The following ARNT2 variants were observed in gnomAD, a reference collection of about 807,000 sequenced individuals.
ARNT2 encodes ARNT protein 2.
ARNT2 carries 36 observed loss-of-function variants against 91.7 expected under a neutral mutation model. That is an observed-to-expected ratio of 0.39 (90% CI 0.30 to 0.52). The LOEUF (loss-of-function observed/expected upper bound fraction) is 0.52, where lower values mean the gene tolerates loss of function less well. Among genes scored for constraint, ARNT2 ranks in the 20% least tolerant of loss-of-function variants. The pLI, the probability that ARNT2 is intolerant of heterozygous loss-of-function variation, is 0.72. For synonymous variants in ARNT2, 365 were observed against 347.1 expected (o/e 1.05, Z -0.57); for missense variants, 775 against 939.3 (o/e 0.83, Z 2.29).
intron 5 of ARNT2, among the ~76,000 whole-genome samples, chr15:80,494,201 C>T (rs1055279369): frequency 2.6e-5 from 4 of 152,194 alleles, no homozygotes; most frequent in African/African-American, 7.2e-5. Context: ...GTGTGCTGTG[C>T]TGTTTTTTGC....
chr15:80,433,443 G>A (rs1190003567), intron 1 of ARNT2, among the ~76,000 whole-genome samples: 10 of 151,334 alleles, frequency 6.6e-5, no homozygotes, highest in African/African-American at 2.2e-4. Flanking sequence ...ACACCACCAC[G>A]CCCGGCTAAT....
intron 2 of ARNT2, among the ~76,000 whole-genome samples, chr15:80,456,468 A>G (rs916928345): frequency 3.3e-5 from 5 of 152,224 alleles, no homozygotes; most frequent in African/African-American, 1.2e-4. Flanking sequence ...TCCAAACAAA[A>G]TAAGGCCAAG....
intron 2 of ARNT2, among the ~76,000 whole-genome samples, chr15:80,455,950 A>C (rs986174292): frequency 6.6e-6 from 1 of 152,160 alleles, no homozygotes; most frequent in Admixed American, 6.5e-5. Context: ...AATAACCTTC[A>C]TGTGGACGGC....
intron 8 of ARNT2, among the ~76,000 whole-genome samples, chr15:80,522,097 C>G (rs966326047): frequency 6.6e-6 from 1 of 152,054 alleles, no homozygotes; most frequent in African/African-American, 2.4e-5. Flanking sequence ...TCTATATTCA[C>G]AAATATAGTA....
At chr15:80,411,518 T>G (rs111246684) in intron 1 of ARNT2, among the ~76,000 whole-genome samples, 21 of 152,370 alleles carry the variant, frequency 1.4e-4, no homozygotes, top group African/African-American at 4.1e-4. Context: ...ATTCTGACTT[T>G]TATTTGTGGA....
chr15:80,597,300 A>G lies in ARNT2; in HGVS notation c.*3602A>G, dbSNP rs753981723. ...CTCCGTCACGGTTCTGACCTACCAC[A>G]TAAACAGGAAGAAGCCAGTGACCGG... On this transcript the variant is annotated 3_prime_UTR_variant, in exon 19 of 19. Coordinates refer to ENST00000303329, the MANE Select transcript of ARNT2 (RefSeq NM_014862.4). 1 of 518,704 alleles carries G rather than the reference A, an allele frequency of 1.9e-6. No individual in the cohort carries two copies. Among genetic ancestry groups the G allele is most frequent in the East Asian group, 5.5e-5 (1 of 18,340 alleles). 32.1% of individuals were successfully genotyped at this position (518,704 alleles called of 1,614,324 possible). A position where few individuals can be genotyped will look rare whatever the true frequency, so the allele number is the denominator to read the frequency against.
chr15:80,468,056 C>G lies in ARNT2; in HGVS notation c.195-2162C>G, dbSNP rs556351262. On this transcript the variant is annotated intron_variant, in intron 3 of 18. Transcript: ENST00000303329. ...CTTCTCTGGTTACCTCTATCTACCC[C>G]CGAGTCAACAAGCCCTGCCTGATTA... Among the ~76,000 whole-genome samples the G allele has an allele frequency of 8.5e-5, 13 of 152,292 alleles. No homozygotes were observed. In the South Asian group the frequency reaches 2.7e-3, roughly 32 times the overall value.
intron 8 of ARNT2, among the ~76,000 whole-genome samples, chr15:80,549,863 C>T (rs145849089): frequency 2.3e-4 from 35 of 152,306 alleles, no homozygotes; most frequent in Non-Finnish European, 3.8e-4. Context: ...ACTCCGAAAA[C>T]GCACTTCTGA....
intron 11 of ARNT2, among the ~76,000 whole-genome samples, chr15:80,557,219 G>GCCACTCCTGGCTTTCTTC: frequency 6.6e-6 from 1 of 152,094 alleles, no homozygotes; most frequent in South Asian, 2.1e-4. Flanking sequence ...CATAACATCA[G>GCCACTCCTGGCTTTCTTC]CCACTCCTGG....
chr15:80,545,663 A>G (rs1897979028), intron 8 of ARNT2, among the ~76,000 whole-genome samples: 1 of 152,230 alleles, frequency 6.6e-6, no homozygotes, highest in Non-Finnish European at 1.5e-5. Flanking sequence ...GCAGTCACTA[A>G]TACATAACAG....
chr15:80,527,132 G>A (rs945369627), intron 8 of ARNT2, among the ~76,000 whole-genome samples: 1 of 152,218 alleles, frequency 6.6e-6, no homozygotes, highest in Non-Finnish European at 1.5e-5. Flanking sequence ...GCAGGGCAAA[G>A]CCACTCTTCC....
At chr15:80,414,240 A>AGT (rs1286410428) in intron 1 of ARNT2, among the ~76,000 whole-genome samples, 3 of 152,216 alleles carry the variant, frequency 2.0e-5, no homozygotes, top group Non-Finnish European at 4.4e-5. Context: ...ACCTCCAGGG[A>AGT]GTAGGGGTGC....
At chr15:80,569,057 G>A (rs1489247145) in intron 12 of ARNT2, among the ~76,000 whole-genome samples, 1 of 152,220 alleles carries the variant, frequency 6.6e-6, no homozygotes, top group East Asian at 1.9e-4. Context: ...CATGCAGATG[G>A]TGCTCAGTCA....
At chr15:80,567,289 A>G (rs1898502855) in intron 12 of ARNT2, among the ~76,000 whole-genome samples, 1 of 135,108 alleles carries the variant, frequency 7.4e-6, no homozygotes, top group Non-Finnish European at 1.5e-5. Context: ...ACCATCCTGG[A>G]TCTGCTTAGC....
intron 5 of ARNT2, among the ~76,000 whole-genome samples, chr15:80,493,892 C>G (rs1464781426): frequency 6.6e-6 from 1 of 152,140 alleles, no homozygotes; most frequent in Non-Finnish European, 1.5e-5. Context: ...AGTTCTCACT[C>G]TTTTGGTTCA....
rs367713872 is a variant in ARNT2 at position 80,593,742 on chromosome 15, T to G, written c.*44T>G. ...TCCTGCTGTACAGTGCCACCCATAC[T>G]GTGATGTCGATGCCCATGTGAATGA... On this transcript the variant is annotated 3_prime_UTR_variant, in exon 19 of 19. Coordinates refer to ENST00000303329, the MANE Select transcript of ARNT2 (RefSeq NM_014862.4). The G allele has an allele frequency of 2.0e-6, 3 of 1,530,174 alleles. No homozygotes were observed. Among genetic ancestry groups the G allele is most frequent in the Non-Finnish European group, 2.7e-6 (3 of 1,122,026 alleles). The allele number at this position is 1,530,174 out of a possible 1,614,324, so 94.8% of individuals were successfully genotyped here. A position where few individuals can be genotyped will look rare whatever the true frequency, so the allele number is the denominator to read the frequency against.
At chr15:80,543,454 G>A (rs943425887) in intron 8 of ARNT2, among the ~76,000 whole-genome samples, 6 of 152,158 alleles carry the variant, frequency 3.9e-5, no homozygotes, top group African/African-American at 7.2e-5. Flanking sequence ...ACAGTATCCC[G>A]TGTCATGATG....
chr15:80,582,836 A>G (rs1311039490), intron 17 of ARNT2, among the ~76,000 whole-genome samples: 4 of 152,320 alleles, frequency 2.6e-5, no homozygotes, highest in African/African-American at 9.6e-5. Flanking sequence ...CCTTGAGCCC[A>G]GAATCCTGTT....
intron 5 of ARNT2, among the ~76,000 whole-genome samples, chr15:80,481,981 A>C (rs1347804722): frequency 1.3e-5 from 2 of 152,192 alleles, no homozygotes; most frequent in Non-Finnish European, 2.9e-5. Flanking sequence ...AGCTTGCTGC[A>C]GCCTCTCTTG....
Sources: allele counts gnomAD v4.1 joint callset (sites outside exome capture counted in the v4.1 genomes callset), GRCh38; gene constraint gnomAD v4.1.1; transcripts MANE v1.5; gene names NCBI Gene and HGNC (gene_info 2026-07-23, HGNC 2026-07-21).